The following XRCC4 variants were observed in gnomAD, a reference collection of about 807,000 sequenced individuals.
XRCC4 encodes the protein X-ray repair cross complementing 4, also known as DNA repair protein XRCC4.
In XRCC4, 28 loss-of-function variants were observed where a neutral mutation model predicts 39.1. The observed-to-expected ratio is 0.72, with a 90% confidence interval of 0.53 to 0.98. XRCC4 has a LOEUF of 0.98. Among genes scored for constraint, XRCC4 ranks in the 50% least tolerant of loss-of-function variants. The pLI, the probability that XRCC4 is intolerant of heterozygous loss-of-function variation, is 0.00. For missense variants in XRCC4, 350 were observed against 376.4 expected (o/e 0.93, Z 0.58); for synonymous variants, 123 against 126.4 (o/e 0.97, Z 0.18).
chr5:83,121,755 C>CT (rs769155696), intron 3 of XRCC4, among the ~76,000 whole-genome samples: 2 of 152,114 alleles, frequency 1.3e-5, no homozygotes, highest in Non-Finnish European at 2.9e-5. Flanking sequence ...TTTGAGATCA[C>CT]TTCTAATGCA....
chr5:83,188,860 A>G (rs903265685), intron 3 of XRCC4, among the ~76,000 whole-genome samples: 3 of 152,216 alleles, frequency 2.0e-5, no homozygotes, highest in Non-Finnish European at 4.4e-5. Flanking sequence ...TTTACCTCTG[A>G]GTAGACAATA....
intron 7 of XRCC4, among the ~76,000 whole-genome samples, chr5:83,314,793 G>A (rs375804871): frequency 6.6e-6 from 1 of 152,154 alleles, no homozygotes; most frequent in East Asian, 1.9e-4. Context: ...AATGTTGCAT[G>A]CATTCTGACT....
At chr5:83,232,317 G>A (rs937040559) in intron 6 of XRCC4, among the ~76,000 whole-genome samples, 1 of 151,920 alleles carries the variant, frequency 6.6e-6, no homozygotes, top group Non-Finnish European at 1.5e-5. Context: ...TAAGAAAAAG[G>A]ATAAAACCAC....
At chr5:83,236,962 A>G (rs1039548053) in intron 6 of XRCC4, among the ~76,000 whole-genome samples, 1 of 152,162 alleles carries the variant, frequency 6.6e-6, no homozygotes, top group African/African-American at 2.4e-5. Flanking sequence ...ATATGGAATG[A>G]TGCTTATCAT....
intron 7 of XRCC4, among the ~76,000 whole-genome samples, chr5:83,286,461 T>A (rs1196351862): frequency 6.6e-6 from 1 of 152,128 alleles, no homozygotes; most frequent in Non-Finnish European, 1.5e-5. Context: ...CATGTGATTA[T>A]GGGGGCTGGC....
chr5:83,081,536 G>A lies in XRCC4; in HGVS notation c.-11+3921G>A, dbSNP rs16900158. ...AATAAGTAGAGTTTCAGCTGCCCTTGTCACACACAAAAAATAAGATAGATG... is the reference window on the plus strand; with the variant it reads ...AATAAGTAGAGTTTCAGCTGCCCTTATCACACACAAAAAATAAGATAGATG... On this transcript the variant is annotated intron_variant, in intron 1 of 7. Transcript: ENST00000396027. 8.3e-3 allele frequency among the ~76,000 whole-genome samples: 1,268 copies of A among 152,060 alleles called. 13 individuals are homozygous for A. The highest frequency in any genetic ancestry group is 0.029 in the African/African-American group (1,220 of 41,458).
At chr5:83,142,927 G>A (rs1237467279) in intron 3 of XRCC4, among the ~76,000 whole-genome samples, 3 of 152,102 alleles carry the variant, frequency 2.0e-5, no homozygotes, top group African/African-American at 4.8e-5. Context: ...GCCTTGATTA[G>A]CATAAATATT....
intron 6 of XRCC4, among the ~76,000 whole-genome samples, chr5:83,223,755 A>G (rs1278491046): frequency 2.0e-5 from 3 of 151,898 alleles, no homozygotes; most frequent in South Asian, 2.1e-4. Flanking sequence ...ATATGTATAC[A>G]TGTGCCATGC....
At chr5:83,232,402 A>G (rs991111230) in intron 6 of XRCC4, among the ~76,000 whole-genome samples, 4 of 152,092 alleles carry the variant, frequency 2.6e-5, no homozygotes, top group Non-Finnish European at 5.9e-5. Flanking sequence ...TCATCAAATC[A>G]AATTGCCCTA....
intron 7 of XRCC4, among the ~76,000 whole-genome samples, chr5:83,265,189 T>C (rs1419123408): frequency 3.3e-5 from 5 of 152,170 alleles, no homozygotes; most frequent in Admixed American, 3.3e-4. Flanking sequence ...ATGGATAATA[T>C]AATCATCAAA....
At chr5:83,214,846 A>AT (rs1260360583) in intron 6 of XRCC4, among the ~76,000 whole-genome samples, 1 of 125,382 alleles carries the variant, frequency 8.0e-6, no homozygotes, top group Non-Finnish European at 1.7e-5. Flanking sequence ...CAAAAAAAAA[A>AT]AATAATAATA....
At chr5:83,261,497 A>C (rs1341475770) in intron 7 of XRCC4, among the ~76,000 whole-genome samples, 1 of 151,854 alleles carries the variant, frequency 6.6e-6, no homozygotes, top group African/African-American at 2.4e-5. Context: ...CCCTTCCAAC[A>C]TTCCCACCAG....
At chr5:83,198,502 A>T (rs996626106) in intron 4 of XRCC4, among the ~76,000 whole-genome samples, 11 of 152,208 alleles carry the variant, frequency 7.2e-5, no homozygotes, top group East Asian at 1.9e-4. Context: ...TTTGCAAAAA[A>T]ATATATTTAT....
chr5:83,211,194 G>C (rs1759684306), intron 6 of XRCC4, among the ~76,000 whole-genome samples: 1 of 152,168 alleles, frequency 6.6e-6, no homozygotes, highest in Non-Finnish European at 1.5e-5. Context: ...GGAGTCTGTG[G>C]ATTTCTTGCT....
intron 6 of XRCC4, among the ~76,000 whole-genome samples, chr5:83,244,512 G>A (rs1468662740): frequency 6.6e-6 from 1 of 152,116 alleles, no homozygotes; most frequent in Non-Finnish European, 1.5e-5. Context: ...GCTGTTTTCT[G>A]CCAGGTCTTC....
chr5:83,301,472 C>G (rs1755283446), intron 7 of XRCC4, among the ~76,000 whole-genome samples: 1 of 151,918 alleles, frequency 6.6e-6, no homozygotes, highest in East Asian at 1.9e-4. Context: ...TTCTGGATAT[C>G]AGACCTTTGT....
chr5:83,231,868 T>G (rs1752508036), intron 6 of XRCC4, among the ~76,000 whole-genome samples: 2 of 152,234 alleles, frequency 1.3e-5, no homozygotes, highest in African/African-American at 4.8e-5. Flanking sequence ...TGTGGTTGAT[T>G]ATAAACTGCC....
intron 3 of XRCC4, among the ~76,000 whole-genome samples, chr5:83,178,060 A>C (rs1343150560): frequency 6.6e-6 from 1 of 152,052 alleles, no homozygotes; most frequent in Non-Finnish European, 1.5e-5. Context: ...GAATTGACAG[A>C]AACTGGTGAC....
chr5:83,237,172 A>G (rs1752722838), intron 6 of XRCC4, among the ~76,000 whole-genome samples: 1 of 152,192 alleles, frequency 6.6e-6, no homozygotes, highest in Non-Finnish European at 1.5e-5. Context: ...AAAAACTAAA[A>G]TAGAACTACC....
Sources: allele counts gnomAD v4.1 joint callset (sites outside exome capture counted in the v4.1 genomes callset), GRCh38; gene constraint gnomAD v4.1.1; transcripts MANE v1.5; gene names NCBI Gene and HGNC (gene_info 2026-07-23, HGNC 2026-07-21).